KAZN: variants seen among roughly 807,000 people sequenced by gnomAD.
KAZN encodes the protein kazrin, periplakin interacting protein, also known as kazrin.
In KAZN, 40 loss-of-function variants were observed where a neutral mutation model predicts 87.4. The observed-to-expected ratio is 0.46, with a 90% CI of 0.36 to 0.60. The LOEUF (loss-of-function observed/expected upper bound fraction) is 0.60, where lower values mean the gene tolerates loss of function less well. Among genes scored for constraint, KAZN ranks in the 20% least tolerant of loss-of-function variants. The pLI, the probability that KAZN is intolerant of heterozygous loss-of-function variation, is 0.00. For missense variants in KAZN, 898 were observed against 1,073.9 expected (o/e 0.84, Z 2.29); for synonymous variants, 466 against 458.3 (o/e 1.02, Z -0.22).
intron 2 of KAZN, among the ~76,000 whole-genome samples, chr1:14,528,777 A>G (rs911776648): frequency 6.7e-5 from 10 of 148,242 alleles, no homozygotes; most frequent in Non-Finnish European, 1.5e-4. Context: ...AAAAATAGAC[A>G]GCTCTCCTCA....
chr1:14,485,213 C>G (rs1669284892), intron 2 of KAZN, among the ~76,000 whole-genome samples: 1 of 152,230 alleles, frequency 6.6e-6, no homozygotes, highest in Non-Finnish European at 1.5e-5. Flanking sequence ...GGATATCAAA[C>G]AGCATTTCCC....
intron 2 of KAZN, among the ~76,000 whole-genome samples, chr1:14,245,580 G>A (rs1649422295): frequency 1.3e-5 from 2 of 152,044 alleles, no homozygotes; most frequent in African/African-American, 2.4e-5. Flanking sequence ...GGACTTGCTT[G>A]TCCAAGTACA....
intron 1 of KAZN, among the ~76,000 whole-genome samples, chr1:14,651,821 G>A (rs1421775644): frequency 6.6e-6 from 1 of 152,196 alleles, no homozygotes; most frequent in Non-Finnish European, 1.5e-5. Flanking sequence ...AGTCTGCTGT[G>A]ATTAAATGGC....
At chr1:14,683,985 A>G (rs567279859) in intron 1 of KAZN, among the ~76,000 whole-genome samples, 1 of 152,310 alleles carries the variant, frequency 6.6e-6, no homozygotes, top group Non-Finnish European at 1.5e-5. Flanking sequence ...CTGAAATACA[A>G]CAAGAGTTGT....
chr1:14,632,877 T>C (rs1402087222), intron 1 of KAZN, among the ~76,000 whole-genome samples: 1 of 152,024 alleles, frequency 6.6e-6, no homozygotes, highest in Non-Finnish European at 1.5e-5. Context: ...GAAGAGTCAC[T>C]GTAGACACTC....
chr1:15,069,000 G>A lies in KAZN; in HGVS notation c.1222+3247G>A, dbSNP rs79169160. On this transcript the variant is annotated intron_variant, in intron 8 of 14. Transcript: ENST00000376030. ...AAGGAACTTAGGGCCATCTACCCCA[G>A]CAGTTCTCAGCCTGACCACACCTTA... 9.8e-3 allele frequency among the ~76,000 whole-genome samples: 1,482 copies of A among 151,056 alleles called. 19 individuals carry two copies. Among genetic ancestry groups the A allele is most frequent in the African/African-American group, 0.034 (1,386 of 40,808 alleles).
intron 1 of KAZN, among the ~76,000 whole-genome samples, chr1:14,107,280 T>C (rs10928009): frequency 0.29 from 43,795 of 151,296 alleles, 6,794 homozygotes; most frequent in East Asian, 0.56. Flanking sequence ...GGATCCAGTA[T>C]GGCATGAGAG....
At chr1:15,087,543 C>A (rs1319280934) in intron 8 of KAZN, among the ~76,000 whole-genome samples, 2 of 152,126 alleles carry the variant, frequency 1.3e-5, no homozygotes, top group African/African-American at 2.4e-5. Context: ...CAGGCATGCA[C>A]CACCATGCCC....
intron 1 of KAZN, among the ~76,000 whole-genome samples, chr1:14,838,183 G>A (rs1258544764): frequency 6.6e-6 from 1 of 152,154 alleles, no homozygotes; most frequent in African/African-American, 2.4e-5. Flanking sequence ...GGATGGAAGG[G>A]CAAAAGAGCT....
chr1:14,286,552 TAATA>T (rs1653267693), intron 2 of KAZN, among the ~76,000 whole-genome samples: 1 of 152,218 alleles, frequency 6.6e-6, no homozygotes, highest in African/African-American at 2.4e-5. Flanking sequence ...CAGTCACACT[TAATA>T]AATATTAGCC....
intron 1 of KAZN, among the ~76,000 whole-genome samples, chr1:14,851,286 C>T (rs1649405861): frequency 6.6e-6 from 1 of 152,172 alleles, no homozygotes; most frequent in African/African-American, 2.4e-5. Context: ...CCCAAGACGC[C>T]GGCTGATGGG....
chr1:14,225,920 T>A (rs1647261175), intron 2 of KAZN, among the ~76,000 whole-genome samples: 1 of 152,106 alleles, frequency 6.6e-6, no homozygotes, highest in Non-Finnish European at 1.5e-5. Context: ...GAAGACAACC[T>A]AGGAATTACC....
At chr1:14,393,842 CAA>C (rs35205129) in intron 2 of KAZN, among the ~76,000 whole-genome samples, 130 of 86,990 alleles carry the variant, frequency 1.5e-3, no homozygotes, top group African/African-American at 5.2e-3. Context: ...GACCCAATCT[CAA>C]AAAAAAAAAA....
chr1:14,979,828 A>G (rs1170995362), intron 2 of KAZN, among the ~76,000 whole-genome samples: 1 of 152,156 alleles, frequency 6.6e-6, no homozygotes, highest in African/African-American at 2.4e-5. Context: ...CTTGGTTGTG[A>G]AGATTAAATG....
chr1:14,629,437 C>T (rs573030138), intron 1 of KAZN, among the ~76,000 whole-genome samples: 4 of 152,280 alleles, frequency 2.6e-5, no homozygotes, highest in African/African-American at 4.8e-5. Flanking sequence ...CAGAAACCCA[C>T]GTTAAACTGG....
chr1:14,103,311 G>GAA (rs1557477820), intron 1 of KAZN, among the ~76,000 whole-genome samples: 1 of 152,120 alleles, frequency 6.6e-6, no homozygotes, highest in Non-Finnish European at 1.5e-5. Flanking sequence ...TACATATCTC[G>GAA]AAATACAGTC....
intron 1 of KAZN, among the ~76,000 whole-genome samples, chr1:14,082,223 G>A (rs10928002): frequency 6.6e-4 from 100 of 152,288 alleles, no homozygotes; most frequent in African/African-American, 2.4e-3. Flanking sequence ...GTTTTGTGAG[G>A]ACTGCCTTTT....
intron 2 of KAZN, among the ~76,000 whole-genome samples, chr1:14,413,793 A>C (rs1664517545): frequency 6.6e-6 from 1 of 152,170 alleles, no homozygotes; most frequent in Non-Finnish European, 1.5e-5. Flanking sequence ...GAGTGAGACT[A>C]GATACATTTT....
At chr1:14,624,409 G>A (rs1030619325) in intron 1 of KAZN, among the ~76,000 whole-genome samples, 6 of 149,236 alleles carry the variant, frequency 4.0e-5, no homozygotes, top group East Asian at 1.9e-4. Context: ...CCAACAGAGC[G>A]AGACTCCGTC....
Sources: gnomAD v4.1 joint callset for allele counts (sites outside exome capture counted in the v4.1 genomes callset) on GRCh38, gnomAD v4.1.1 for gene constraint, MANE v1.5 for transcripts, NCBI Gene and HGNC (gene_info 2026-07-23, HGNC 2026-07-21) for gene names.